BANK1: variants seen among roughly 807,000 people sequenced by gnomAD.
BANK1 encodes the protein B-cell scaffold protein with ankyrin repeats.
Under a neutral mutation model 94.5 loss-of-function variants are expected in BANK1, and 95 were observed. That is an observed-to-expected ratio of 1.00 (90% CI 0.85 to 1.19). The LOEUF (loss-of-function observed/expected upper bound fraction) is 1.19. Among genes scored for constraint, BANK1 ranks in the 50% most tolerant of loss-of-function variants. The pLI is 0.00. For missense variants in BANK1, 987 were observed against 932.2 expected (o/e 1.06, Z -0.77); for synonymous variants, 334 against 308.4 (o/e 1.08, Z -0.87).
At chr4:101,954,584 C>G (rs1409644335) in intron 7 of BANK1, among the ~76,000 whole-genome samples, 3 of 151,988 alleles carry the variant, frequency 2.0e-5, no homozygotes, top group African/African-American at 7.3e-5. Context: ...ATGACAAGCA[C>G]TTGGAGGGCT....
intron 6 of BANK1, among the ~76,000 whole-genome samples, chr4:101,909,897 G>C (rs904288340): frequency 1.3e-5 from 2 of 152,164 alleles, no homozygotes; most frequent in African/African-American, 2.4e-5. Context: ...TATTGAAAAT[G>C]TATTTTAAAA....
chr4:101,986,753 T>C (rs572587570), intron 7 of BANK1, among the ~76,000 whole-genome samples: 5 of 138,050 alleles, frequency 3.6e-5, no homozygotes, highest in Non-Finnish European at 8.1e-5. Context: ...TGATTGATCC[T>C]CTGCTACATA....
At chr4:102,069,098 G>A (rs1348619598) in intron 13 of BANK1, among the ~76,000 whole-genome samples, 3 of 152,148 alleles carry the variant, frequency 2.0e-5, no homozygotes, top group East Asian at 3.8e-4. Context: ...TGGATAATGA[G>A]AGCCAGGTTT....
intron 10 of BANK1, among the ~76,000 whole-genome samples, chr4:102,039,158 A>G (rs1037642619): frequency 6.6e-6 from 1 of 152,152 alleles, no homozygotes; most frequent in African/African-American, 2.4e-5. Context: ...AACTGGTTTC[A>G]GGTGAAAGAT....
rs1434305497 is a variant in BANK1 at position 102,030,066 on chromosome 4, G to C, written c.1701G>C (p.Glu567Asp). The C allele has an allele frequency of 6.2e-7, 1 of 1,613,632 alleles. No homozygotes were observed. ...AAGGAGAAAAAGAGAAGAAAGAAGA[G>C]GAAAAAGAGCAGGAGGAGGAAGAAG... Reference protein sequence around the residue: ...EPKGEKEKKEEEKEQEEEEDP... With the variant: ...EPKGEKEKKEDEKEQEEEEDP... The change falls in exon 10 of 17, where the codon GAG becomes GAC. Residue 567 changes from glutamate (E) to aspartate (D), a missense_variant. Glu to Asp is a conservative substitution (Grantham distance 45). Transcript: ENST00000322953.
rs562255148 is a variant in BANK1, at chr4:102,010,041, C to T, written c.1207-11473C>T. Among the ~76,000 whole-genome samples, 305 of 152,220 alleles carry T rather than the reference C, an allele frequency of 2.0e-3. 2 individuals are homozygous for T. The Middle Eastern group carries it at 0.024, about 12-fold the overall frequency. On this transcript the variant is annotated intron_variant, in intron 7 of 16. Transcript: ENST00000322953. ...CAGCACTTTGGGAGGCTAAGGTGGG[C>T]AGATCACGAAGTCAGGAGATCGAGA...
chr4:101,940,260 A>C (rs1578410476), intron 7 of BANK1, among the ~76,000 whole-genome samples: 1 of 151,504 alleles, frequency 6.6e-6, no homozygotes, highest in Non-Finnish European at 1.5e-5. Flanking sequence ...GAAAAAAAAA[A>C]CAGATTCGAA....
At chr4:102,045,593 G>A (rs1254998407) in intron 11 of BANK1, among the ~76,000 whole-genome samples, 1 of 152,124 alleles carries the variant, frequency 6.6e-6, no homozygotes, top group African/African-American at 2.4e-5. Flanking sequence ...CTTCAGCAAA[G>A]TCTCAGGATA....
At chr4:101,799,734 C>T (rs999822970) in intron 1 of BANK1, among the ~76,000 whole-genome samples, 2 of 151,958 alleles carry the variant, frequency 1.3e-5, no homozygotes, top group Admixed American at 6.6e-5. Flanking sequence ...ATTAGCCGGG[C>T]GTGCTGGTGG....
At chr4:102,009,488 C>T (rs1237088073) in intron 7 of BANK1, among the ~76,000 whole-genome samples, 2 of 152,196 alleles carry the variant, frequency 1.3e-5, no homozygotes, top group African/African-American at 4.8e-5. Flanking sequence ...GAGGCTTGCA[C>T]ATTCTTGCAA....
At chr4:101,963,129 C>A (rs1724628615) in intron 7 of BANK1, among the ~76,000 whole-genome samples, 1 of 152,026 alleles carries the variant, frequency 6.6e-6, no homozygotes, top group Non-Finnish European at 1.5e-5. Flanking sequence ...TTCACCAGTG[C>A]CATACAATCT....
intron 7 of BANK1, among the ~76,000 whole-genome samples, chr4:101,975,424 C>A (rs951647347): frequency 1.3e-5 from 2 of 152,100 alleles, no homozygotes; most frequent in African/African-American, 4.8e-5. Context: ...GGTCTTGAAG[C>A]CATTACAGTT....
intron 1 of BANK1, among the ~76,000 whole-genome samples, chr4:101,802,240 A>T (rs1725378376): frequency 6.6e-6 from 1 of 152,202 alleles, no homozygotes; most frequent in African/African-American, 2.4e-5. Context: ...TTTGTGATGA[A>T]GGCATTTCTA....
intron 9 of BANK1, among the ~76,000 whole-genome samples, chr4:102,029,572 A>G (rs566672015): frequency 1.4e-5 from 2 of 148,120 alleles, no homozygotes; most frequent in African/African-American, 4.9e-5. Context: ...ATTATATTTT[A>G]TACATTAAAT....
chr4:101,793,147 A>T (rs1420570649), intron 1 of BANK1, among the ~76,000 whole-genome samples: 8 of 152,214 alleles, frequency 5.3e-5, no homozygotes, highest in Non-Finnish European at 1.5e-5. Flanking sequence ...AACAGAAAGC[A>T]TGAAAGGGTG....
At chr4:102,026,699 G>C (rs952667444) in intron 9 of BANK1, among the ~76,000 whole-genome samples, 1 of 151,848 alleles carries the variant, frequency 6.6e-6, no homozygotes, top group East Asian at 1.9e-4. Context: ...GCGTGCACCT[G>C]TAATGCCAGC....
chr4:101,863,102 C>T (rs959430783), intron 4 of BANK1, among the ~76,000 whole-genome samples: 1 of 151,622 alleles, frequency 6.6e-6, no homozygotes, highest in Admixed American at 6.6e-5. Flanking sequence ...GCATTTTTTC[C>T]CATTATTTTA....
rs973217838 is a variant in BANK1, at chr4:101,903,586, A to G, written c.1009+8176A>G. On this transcript the variant is annotated intron_variant, in intron 6 of 16. Coordinates refer to ENST00000322953, the MANE Select transcript of BANK1 (RefSeq NM_017935.5). ...GATCTATTCAATTTATTTGAGCTCT[A>G]TGGACTTGCTTTGCAATTAGTTGTA... 7.2e-5 allele frequency among the ~76,000 whole-genome samples: 11 copies of G among 152,150 alleles called. No homozygotes were observed. In the South Asian group the frequency reaches 8.3e-4, roughly 11 times the overall value.
intron 6 of BANK1, among the ~76,000 whole-genome samples, chr4:101,908,343 G>A (rs1478437397): frequency 6.6e-6 from 1 of 152,152 alleles, no homozygotes; most frequent in African/African-American, 2.4e-5. Context: ...TGGGAAAACT[G>A]GCCAGCCATA....
Sources: allele counts gnomAD v4.1 joint callset (sites outside exome capture counted in the v4.1 genomes callset), GRCh38; gene constraint gnomAD v4.1.1; transcripts MANE v1.5; gene names NCBI Gene and HGNC (gene_info 2026-07-23, HGNC 2026-07-21).